DUS2: variants seen among roughly 807,000 people sequenced by gnomAD.
DUS2 encodes the protein tRNA-dihydrouridine(20) synthase [NAD(P)+]-like.
In DUS2, 52 loss-of-function variants were observed where a neutral mutation model predicts 71.3. That is an observed-to-expected ratio of 0.73 (90% CI 0.58 to 0.92). The LOEUF is 0.92. DUS2 is among the 40% of genes least tolerant of loss of function. DUS2 has a pLI of 0.00. For missense variants in DUS2, 558 were observed against 622.6 expected, an observed-to-expected ratio of 0.90 and a Z score of 1.10; for synonymous variants, 204 against 227.8, an observed-to-expected ratio of 0.90 and a Z score of 0.94.
intron 7 of DUS2, among the ~76,000 whole-genome samples, chr16:68,058,678 T>G (rs538108354): frequency 6.6e-6 from 1 of 152,256 alleles, no homozygotes; most frequent in South Asian, 2.1e-4. Flanking sequence ...CAGGGAAGAT[T>G]TTTGGAGAGA....
rs989822067 is a variant in DUS2 at position 68,025,503 on chromosome 16, A to C, written c.-19+9A>C. On this transcript the variant is annotated intron_variant, in intron 2 of 16. Coordinates refer to ENST00000565263, the MANE Select transcript of DUS2 (RefSeq NM_017803.5). ...TCAGAACAAAATAATAGGTATGTAT[A>C]TGCATTTGGGTTTTTGGGTTTTGTT... is the stretch of plus-strand genomic sequence containing the variant. The C allele has an allele frequency of 6.6e-6, 1 of 152,182 alleles. No individual in the cohort carries two copies. The highest frequency in any genetic ancestry group is 2.4e-5 in the African/African-American group (1 of 41,442). The allele number at this position is 152,182 out of a possible 1,614,324, so 9.4% of individuals were successfully genotyped here. A position where few individuals can be genotyped will look rare whatever the true frequency, so the allele number is the denominator to read the frequency against.
chr16:68,078,167 C>T, intron 15 of DUS2: 1 of 464,422 alleles, frequency 2.2e-6, no homozygotes, highest in Non-Finnish European at 3.9e-6. Flanking sequence ...GGGGACCTGG[C>T]CTATCCAGAT....
chr16:68,077,004 C>A (rs1451395090), intron 15 of DUS2, among the ~76,000 whole-genome samples: 1 of 151,586 alleles, frequency 6.6e-6, no homozygotes, highest in African/African-American at 2.4e-5. Flanking sequence ...TGCCTGTAAT[C>A]CCACAACTTT....
At chr16:68,053,721 C>A in intron 5 of DUS2, 66 bp downstream of exon 5, 1 of 1,552,036 alleles carries the variant, frequency 6.4e-7, no homozygotes, top group Non-Finnish European at 8.9e-7. Flanking sequence ...CCAACTCATG[C>A]CCTGTGCCAG....
At chr16:68,024,877 G>A (rs539806269) in intron 1 of DUS2, among the ~76,000 whole-genome samples, 48 of 150,472 alleles carry the variant, frequency 3.2e-4, no homozygotes, top group Non-Finnish European at 6.0e-4. Context: ...TGTTGCCCAG[G>A]CTGGAGTACA....
At chr16:68,033,017 C>A (rs1040917669) in intron 2 of DUS2, among the ~76,000 whole-genome samples, 4 of 151,426 alleles carry the variant, frequency 2.6e-5, no homozygotes, top group African/African-American at 9.7e-5. Flanking sequence ...AGGGACTGAT[C>A]ATGCAGGGCC....
chr16:68,033,634 A>ATTTTTTTTTTTTT, intron 2 of DUS2, among the ~76,000 whole-genome samples: 1 of 125,358 alleles, frequency 8.0e-6, no homozygotes, highest in Non-Finnish European at 1.7e-5. Context: ...ACAGGTGCTA[A>ATTTTTTTTTTTTT]TTTTTTTTTT....
intron 10 of DUS2, among the ~76,000 whole-genome samples, chr16:68,068,996 A>C (rs73604377): frequency 0.013 from 1,993 of 152,222 alleles, 43 homozygotes; most frequent in African/African-American, 0.045. Context: ...CTTTGTGACC[A>C]TCAAAGCTGG....
At chr16:68,024,651 G>A (rs1214182324) in intron 1 of DUS2, among the ~76,000 whole-genome samples, 3 of 152,104 alleles carry the variant, frequency 2.0e-5, no homozygotes, top group African/African-American at 7.2e-5. Flanking sequence ...ACTTTCTGGA[G>A]AGTTACCAGA....
In DUS2 at chr16:68,079,014, C is replaced by T. The variant is rs1418668407; in HGVS notation, c.*28C>T. 3.3e-6 allele frequency: 5 copies of T among 1,519,004 alleles called. No homozygotes were observed. The African/African-American group carries it at 5.5e-5, about 17-fold the overall frequency. 94.1% of individuals were successfully genotyped at this position (1,519,004 alleles called of 1,614,324 possible). On this transcript the variant is annotated 3_prime_UTR_variant, in exon 17 of 17. Coordinates refer to ENST00000565263, the MANE Select transcript of DUS2 (RefSeq NM_017803.5). ...ACTCTTCCTGCCTTAGTCACCCCTC[C>T]ATGGGCCTGGTGCTAAGGTGGCTGT... is the stretch of plus-strand genomic sequence containing the variant.
chr16:68,050,649 AG>A (rs1292955966), intron 4 of DUS2, among the ~76,000 whole-genome samples: 1 of 152,202 alleles, frequency 6.6e-6, no homozygotes, highest in Non-Finnish European at 1.5e-5. Flanking sequence ...GTTGAAGATA[AG>A]GAAAAAAAAT....
intron 5 of DUS2, chr16:68,053,923 T>C: frequency 2.3e-6 from 1 of 442,414 alleles, no homozygotes; most frequent in Non-Finnish European, 4.1e-6. Context: ...CTGTTTGGCA[T>C]GATTTCTCTA....
chr16:68,049,776 A>G (rs1368254664), intron 4 of DUS2, among the ~76,000 whole-genome samples: 2 of 152,204 alleles, frequency 1.3e-5, no homozygotes, highest in Admixed American at 6.5e-5. Flanking sequence ...TGGCATAGAA[A>G]TCACCATGCA....
chr16:68,052,776 GGTATTACA>G (rs2033796574), intron 4 of DUS2, among the ~76,000 whole-genome samples: 1 of 148,702 alleles, frequency 6.7e-6, no homozygotes, highest in Non-Finnish European at 1.5e-5. Flanking sequence ...TTGAGTAGCT[GGTATTACA>G]GGCACCCTCC....
At chr16:68,055,432 G>T (rs1042694657) in intron 6 of DUS2, among the ~76,000 whole-genome samples, 1 of 152,106 alleles carries the variant, frequency 6.6e-6, no homozygotes, top group African/African-American at 2.4e-5. Context: ...CCAGCCTGGG[G>T]AACACAGTGA....
Position 68,040,298 on chromosome 16 carries a change from G to A in DUS2, c.126+2149G>A, listed in dbSNP as rs1193423013. Among the ~76,000 whole-genome samples the A allele has an allele frequency of 2.0e-5, 3 of 152,142 alleles. No homozygotes were observed. In the East Asian group the frequency reaches 5.8e-4, roughly 29 times the overall value. On this transcript the variant is annotated intron_variant, in intron 3 of 16. Transcript: ENST00000565263. ...GGGTTTTGCCATGTTGGCCAGGCTG[G>A]TCTTGAACCCTTGACCTCAGGTAAT...
At chr16:68,056,484 A>G in intron 7 of DUS2, 60 bp downstream of exon 7, 1 of 1,398,882 alleles carries the variant, frequency 7.1e-7, no homozygotes, top group Non-Finnish European at 1.0e-6. Context: ...GGCTGACAAG[A>G]CATAACTAAG....
At chr16:68,038,783 C>T (rs990064384) in intron 3 of DUS2, among the ~76,000 whole-genome samples, 6 of 149,668 alleles carry the variant, frequency 4.0e-5, no homozygotes, top group Non-Finnish European at 7.4e-5. Flanking sequence ...GGCGTGGTAG[C>T]TCATGCCGTA....
At chr16:68,028,099 T>C (rs922634850) in intron 2 of DUS2, among the ~76,000 whole-genome samples, 2 of 152,000 alleles carry the variant, frequency 1.3e-5, no homozygotes, top group African/African-American at 4.8e-5. Context: ...GTTTTGCGTA[T>C]CATATCTTTG....
Sources: gnomAD v4.1 joint callset for allele counts (sites outside exome capture counted in the v4.1 genomes callset) on GRCh38, gnomAD v4.1.1 for gene constraint, MANE v1.5 for transcripts, NCBI Gene and HGNC (gene_info 2026-07-23, HGNC 2026-07-21) for gene names.